Variants in BICC1 observed in about 807,000 individuals in gnomAD.
BICC1 encodes protein bicaudal C homolog 1.
BICC1 carries 43 observed loss-of-function variants against 111.0 expected under a neutral mutation model. That is an observed-to-expected ratio of 0.39 (90% CI 0.30 to 0.50). The LOEUF (loss-of-function observed/expected upper bound fraction) is 0.50, where lower values mean the gene tolerates loss of function less well. BICC1 is among the 20% of genes least tolerant of loss of function. BICC1 has a pLI of 0.88. For missense variants in BICC1, 1,091 were observed against 1,203.2 expected, an observed-to-expected ratio of 0.91 and a Z score of 1.38; for synonymous variants, 467 against 434.4, an observed-to-expected ratio of 1.07 and a Z score of -0.93.
At chr10:58,639,040 T>C (rs532705749) in intron 2 of BICC1, among the ~76,000 whole-genome samples, 6 of 152,028 alleles carry the variant, frequency 3.9e-5, no homozygotes, top group Non-Finnish European at 8.8e-5. Flanking sequence ...TAAATCAAGC[T>C]AATTAACGTA....
rs1035223677 is a variant in BICC1 at position 58,544,707 on chromosome 10, A to C, written c.190+31374A>C. 6.6e-5 allele frequency among the ~76,000 whole-genome samples: 10 copies of C among 152,172 alleles called. No individual in the cohort carries two copies. The South Asian group carries it at 8.3e-4, about 13-fold the overall frequency. ...CAAGATAATATAACTATACTGAATT[A>C]ATAGACATGCATACATACATACATG... On this transcript the variant is annotated intron_variant, in intron 1 of 20. Coordinates refer to ENST00000373886, the MANE Select transcript of BICC1 (RefSeq NM_001080512.3).
At chr10:58,805,104 C>A (rs545097254) in intron 15 of BICC1, among the ~76,000 whole-genome samples, 102 of 152,214 alleles carry the variant, frequency 6.7e-4, no homozygotes, top group African/African-American at 2.3e-3. Flanking sequence ...ACCAGCCTGG[C>A]CAACATGGCG....
intron 1 of BICC1, among the ~76,000 whole-genome samples, chr10:58,538,749 T>C (rs2131876815): frequency 6.6e-6 from 1 of 151,532 alleles, no homozygotes; most frequent in Non-Finnish European, 1.5e-5. Flanking sequence ...AAACAAATAA[T>C]CCCATTAAAG....
chr10:58,797,236 C>T lies in BICC1; in HGVS notation c.1366+710C>T, dbSNP rs11006265. 8.1e-3 allele frequency among the ~76,000 whole-genome samples: 1,235 copies of T among 152,256 alleles called. 8 individuals carry two copies. Among genetic ancestry groups the T allele is most frequent in the Non-Finnish European group, 0.012 (844 of 68,008 alleles). On this transcript the variant is annotated intron_variant, in intron 10 of 20. Coordinates refer to ENST00000373886, the MANE Select transcript of BICC1 (RefSeq NM_001080512.3). ...TTCTTTCCTGCACATTTCTCAGTTG[C>T]ATTTATTTTCCTTAATCAGTACTCC...
chr10:58,595,350 C>G (rs1291281724), intron 1 of BICC1, among the ~76,000 whole-genome samples: 1 of 152,176 alleles, frequency 6.6e-6, no homozygotes, highest in African/African-American at 2.4e-5. Context: ...GAACTTAGCT[C>G]TGGACCAAGT....
chr10:58,773,032 C>T (rs1043213454), intron 3 of BICC1, among the ~76,000 whole-genome samples: 1 of 151,906 alleles, frequency 6.6e-6, no homozygotes, highest in Non-Finnish European at 1.5e-5. Context: ...CAGTAATAAG[C>T]GTGATTATAT....
chr10:58,800,142 TC>T, intron 12 of BICC1, 51 bp from the exon 13 acceptor site: 1 of 1,407,396 alleles, frequency 7.1e-7, no homozygotes. Context: ...TTGATTTGAC[TC>T]TCTGTAAAAT....
At chr10:58,641,008 C>T (rs1838105789) in intron 2 of BICC1, among the ~76,000 whole-genome samples, 1 of 152,108 alleles carries the variant, frequency 6.6e-6, no homozygotes, top group African/African-American at 2.4e-5. Context: ...AATTCTTGCC[C>T]ATTGAGGATA....
chr10:58,540,684 T>C (rs1304500697), intron 1 of BICC1, among the ~76,000 whole-genome samples: 1 of 151,946 alleles, frequency 6.6e-6, no homozygotes, highest in East Asian at 1.9e-4. Flanking sequence ...AACAATTAAA[T>C]AAGAATTAAC....
chr10:58,565,152 A>G (rs1409742464), intron 1 of BICC1, among the ~76,000 whole-genome samples: 2 of 152,172 alleles, frequency 1.3e-5, no homozygotes, highest in Admixed American at 1.3e-4. Flanking sequence ...ATAGAGATGC[A>G]TTTCATATTT....
intron 12 of BICC1, among the ~76,000 whole-genome samples, chr10:58,799,875 A>G (rs560443580): frequency 9.9e-5 from 15 of 152,124 alleles, no homozygotes; most frequent in African/African-American, 3.1e-4. Flanking sequence ...AGTTTTTTCT[A>G]TTTCTGGGAA....
At chr10:58,719,482 C>T (rs186657265) in intron 3 of BICC1, among the ~76,000 whole-genome samples, 69 of 149,626 alleles carry the variant, frequency 4.6e-4, no homozygotes, top group African/African-American at 1.5e-3. Context: ...CAGCTCAGCA[C>T]CTTATTCATG....
At chr10:58,716,217 A>C (rs1840735831) in intron 3 of BICC1, 8 of 1,504,196 alleles carry the variant, frequency 5.3e-6, no homozygotes, top group Admixed American at 2.0e-5. Flanking sequence ...CAGAAAAAAC[A>C]AAAAAGAATA....
intron 2 of BICC1, among the ~76,000 whole-genome samples, chr10:58,626,733 T>C (rs1837639435): frequency 6.6e-6 from 1 of 152,230 alleles, no homozygotes; most frequent in Non-Finnish European, 1.5e-5. Flanking sequence ...ACAACCTCTT[T>C]ATGAAAACCA....
At chr10:58,661,097 C>T (rs1297740059) in intron 2 of BICC1, among the ~76,000 whole-genome samples, 2 of 152,004 alleles carry the variant, frequency 1.3e-5, no homozygotes, top group Admixed American at 6.6e-5. Flanking sequence ...AGTGGTTTTC[C>T]AAATGGTCTG....
intron 1 of BICC1, among the ~76,000 whole-genome samples, chr10:58,607,036 G>C (rs1051827549): frequency 3.9e-5 from 6 of 152,070 alleles, no homozygotes; most frequent in African/African-American, 1.4e-4. Context: ...AAAACTGTCG[G>C]CCTGGCGCGG....
At chr10:58,682,963 T>G (rs1037562553) in intron 2 of BICC1, among the ~76,000 whole-genome samples, 1 of 152,250 alleles carries the variant, frequency 6.6e-6, no homozygotes, top group African/African-American at 2.4e-5. Flanking sequence ...TGCCCATGCC[T>G]ATGTCCTGAA....
intron 3 of BICC1, among the ~76,000 whole-genome samples, chr10:58,784,098 C>T (rs1343716580): frequency 6.6e-6 from 1 of 152,126 alleles, no homozygotes; most frequent in Non-Finnish European, 1.5e-5. Flanking sequence ...GGTACTTCCT[C>T]ATCTTTTTGT....
intron 1 of BICC1, among the ~76,000 whole-genome samples, chr10:58,523,468 A>G (rs1184738410): frequency 6.6e-6 from 1 of 152,234 alleles, no homozygotes; most frequent in African/African-American, 2.4e-5. Flanking sequence ...GATTATCTCA[A>G]TAGATGCAGA....
Sources: gnomAD v4.1 joint callset for allele counts (sites outside exome capture counted in the v4.1 genomes callset) on GRCh38, gnomAD v4.1.1 for gene constraint, MANE v1.5 for transcripts, NCBI Gene and HGNC (gene_info 2026-07-23, HGNC 2026-07-21) for gene names.